ADAM23: variants seen among roughly 807,000 people sequenced by gnomAD.
ADAM23 encodes disintegrin and metalloproteinase domain-containing protein 23.
Under a neutral mutation model 120.1 loss-of-function variants are expected in ADAM23, and 33 were observed. That is an observed-to-expected ratio of 0.27 (90% CI 0.21 to 0.37). The LOEUF is 0.37. Among genes scored for constraint, ADAM23 ranks in the 10% least tolerant of loss-of-function variants. The pLI, the probability that ADAM23 is intolerant of heterozygous loss-of-function variation, is 1.00. For synonymous variants in ADAM23, 367 were observed against 375.2 expected (o/e 0.98, Z 0.25); for missense variants, 862 against 1,058.2 (o/e 0.81, Z 2.57).
chr2:206,565,169 C>T lies in ADAM23; in HGVS notation c.1394+101C>T, dbSNP rs1697853185. 6.2e-6 allele frequency: 6 copies of T among 962,808 alleles called. No homozygotes were observed. The East Asian group carries it at 1.5e-4, about 23-fold the overall frequency. 59.6% of individuals were successfully genotyped at this position (962,808 alleles called of 1,614,324 possible). A position where few individuals can be genotyped will look rare whatever the true frequency, so the allele number is the denominator to read the frequency against. ...TCGGGTATTGGTCTTTTAGGCTAAG[C>T]ACAATATAAAATGAATAATTAATTG... is the stretch of plus-strand genomic sequence containing the variant. On this transcript the variant is annotated intron_variant, in intron 14 of 25. Transcript: ENST00000264377.
chr2:206,477,921 T>TATATATATATATATATATATATAA (rs1695816932), intron 2 of ADAM23, among the ~76,000 whole-genome samples: 1 of 136,564 alleles, frequency 7.3e-6, no homozygotes, highest in Non-Finnish European at 1.6e-5. Flanking sequence ...TATATATATA[T>TATATATATATATATATATATATAA]AAAACAACAA....
chr2:206,583,998 G>T (rs966171517), intron 18 of ADAM23, among the ~76,000 whole-genome samples: 1 of 152,108 alleles, frequency 6.6e-6, no homozygotes, highest in African/African-American at 2.4e-5. Flanking sequence ...CTCTGTCAGA[G>T]GGAAGGTCTA....
intron 3 of ADAM23, among the ~76,000 whole-genome samples, chr2:206,487,125 A>G (rs1012146481): frequency 2.0e-5 from 3 of 152,206 alleles, no homozygotes; most frequent in Admixed American, 2.0e-4. Context: ...ATTAGATGAG[A>G]TAACATGTGG....
Position 206,567,231 on chromosome 2 carries a change from A to G in ADAM23, c.1403A>G (p.His468Arg). ...GCIMEETGVS[H>R]SRKFSKCSIL... ...ATTCTTTGTTTCCTCAGGGTGTCCC[A>G]TTCTCGAAAATTTTCAAAGTGCAGC... is the stretch of plus-strand genomic sequence containing the variant. The change falls in exon 15 of 26, where the codon CAT becomes CGT. Residue 468 changes from histidine to arginine, a missense_variant. Transcript: ENST00000264377. 6.2e-7 allele frequency: 1 copy of G among 1,612,602 alleles called. No individual in the cohort carries two copies. The highest frequency in any genetic ancestry group is 1.1e-5 in the South Asian group (1 of 90,892).
chr2:206,551,696 C>G (rs1697528798), intron 9 of ADAM23, among the ~76,000 whole-genome samples: 1 of 152,096 alleles, frequency 6.6e-6, no homozygotes, highest in South Asian at 2.1e-4. Context: ...TGCCTTGAAA[C>G]TAGAAATTTA....
rs545726764 is a variant in ADAM23 at position 206,465,343 on chromosome 2, G to A, written c.433-15889G>A. Among the ~76,000 whole-genome samples the A allele has an allele frequency of 2.8e-4, 42 of 152,196 alleles. No individual in the cohort carries two copies. The South Asian group carries it at 8.3e-3, about 30-fold the overall frequency. ...GTGTGAGCCACTGCATCTGGCCTAC[G>A]TTCTTGCAGATTCTATAATTTTTAT... On this transcript the variant is annotated intron_variant, in intron 2 of 25. Coordinates refer to ENST00000264377, the MANE Select transcript of ADAM23 (RefSeq NM_003812.4).
At chr2:206,517,060 G>A (rs1180064134) in intron 3 of ADAM23, among the ~76,000 whole-genome samples, 9 of 151,876 alleles carry the variant, frequency 5.9e-5, no homozygotes, top group Non-Finnish European at 1.0e-4. Flanking sequence ...AAAAAAACAC[G>A]CTCGTACACA....
At chr2:206,529,244 C>G in intron 3 of ADAM23, among the ~76,000 whole-genome samples, 1 of 152,116 alleles carries the variant, frequency 6.6e-6, no homozygotes, top group East Asian at 1.9e-4. Flanking sequence ...TTCATGGTTT[C>G]CTTTAATCCT....
intron 25 of ADAM23, among the ~76,000 whole-genome samples, chr2:206,611,360 C>A (rs761271598): frequency 6.6e-6 from 1 of 151,988 alleles, no homozygotes; most frequent in Non-Finnish European, 1.5e-5. Flanking sequence ...AAAATATTGC[C>A]CACATAGTGA....
In ADAM23 at chr2:206,466,879, A is replaced by G. The variant is rs1374177336; in HGVS notation, c.433-14353A>G. On this transcript the variant is annotated intron_variant, in intron 2 of 25. Coordinates refer to ENST00000264377, the MANE Select transcript of ADAM23 (RefSeq NM_003812.4). ...TCTGCTTCTGGGGAGGCCTCAGGAA[A>G]CTTTTACTCATGGTGGAAGGCAAAG... Among the ~76,000 whole-genome samples, 4 of 152,312 alleles carry G rather than the reference A, an allele frequency of 2.6e-5. No individual in the cohort carries two copies. In the East Asian group the frequency reaches 5.8e-4, roughly 22 times the overall value.
At chr2:206,511,798 C>A (rs1344808173) in intron 3 of ADAM23, among the ~76,000 whole-genome samples, 1 of 152,068 alleles carries the variant, frequency 6.6e-6, no homozygotes, top group African/African-American at 2.4e-5. Flanking sequence ...ATTTTTTATT[C>A]CTCTTTTTTT....
At chr2:206,518,751 G>A (rs980231948) in intron 3 of ADAM23, among the ~76,000 whole-genome samples, 5 of 152,098 alleles carry the variant, frequency 3.3e-5, no homozygotes, top group Admixed American at 6.6e-5. Context: ...TCTTTTTGTT[G>A]AGGTACATAG....
At chr2:206,573,542 A>G (rs1698049433) in intron 18 of ADAM23, among the ~76,000 whole-genome samples, 1 of 152,182 alleles carries the variant, frequency 6.6e-6, no homozygotes, top group African/African-American at 2.4e-5. Flanking sequence ...GTTTGGCATC[A>G]CCATCATTCC....
intron 3 of ADAM23, among the ~76,000 whole-genome samples, chr2:206,509,223 G>T (rs1172386238): frequency 6.6e-6 from 1 of 151,978 alleles, no homozygotes. Context: ...GATACAAAAA[G>T]AATACAAAGA....
intron 20 of ADAM23, among the ~76,000 whole-genome samples, chr2:206,588,385 T>C (rs571760115): frequency 6.6e-6 from 1 of 152,336 alleles, no homozygotes; most frequent in African/African-American, 2.4e-5. Flanking sequence ...GCTGTGGCTC[T>C]CAGAGAAGGG....
chr2:206,468,796 T>C (rs1695594293), intron 2 of ADAM23, among the ~76,000 whole-genome samples: 1 of 152,140 alleles, frequency 6.6e-6, no homozygotes, highest in Admixed American at 6.5e-5. Context: ...TGTTAATTGA[T>C]AAAGAAAAGA....
At chr2:206,547,974 T>C (rs1416089841) in intron 7 of ADAM23, among the ~76,000 whole-genome samples, 1 of 151,052 alleles carries the variant, frequency 6.6e-6, no homozygotes, top group African/African-American at 2.4e-5. Flanking sequence ...ATACATTATT[T>C]TGAATGCTAA....
At chr2:206,499,317 A>G (rs551835250) in intron 3 of ADAM23, among the ~76,000 whole-genome samples, 1 of 151,752 alleles carries the variant, frequency 6.6e-6, no homozygotes, top group African/African-American at 2.4e-5. Flanking sequence ...GCAGCCATAA[A>G]AAAGGATGAG....
In ADAM23 at chr2:206,571,794, G is replaced by C; in HGVS notation, c.1634G>C (p.Cys545Ser). 6.2e-7 allele frequency: 1 copy of C among 1,614,036 alleles called. No individual in the cohort carries two copies. Among genetic ancestry groups the C allele is most frequent in the Non-Finnish European group, 8.5e-7 (1 of 1,179,922 alleles). The change falls in exon 17 of 26, where the codon TGC becomes TCC. Residue 545 changes from cysteine to serine, a missense_variant. This residue lies in a region of ADAM23 where 617 missense variants were observed against 813.5 expected (regional missense o/e 0.76). Transcript: ENST00000264377. ...GGGGCTCACTGCAGCGACGGGCCCT[G>C]CTGTAACAATACCTCATGTCTTGTG... ...SNGAHCSDGP[C>S]CNNTSCLFQP... is the part of the protein sequence containing the mutation.
Sources: gnomAD v4.1 joint callset for allele counts (sites outside exome capture counted in the v4.1 genomes callset) on GRCh38, gnomAD v4.1.1 for gene constraint, gnomAD v4.1.1 regional missense constraint, MANE v1.5 for transcripts, NCBI Gene and HGNC (gene_info 2026-07-23, HGNC 2026-07-21) for gene names.